RALGAPA2: variants seen among roughly 807,000 people sequenced by gnomAD.
The protein encoded by RALGAPA2 is Ral GTPase activating protein catalytic subunit alpha 2.
Under a neutral mutation model 230.4 loss-of-function variants are expected in RALGAPA2, and 139 were observed. The observed-to-expected ratio is 0.60, with a 90% CI of 0.53 to 0.69. RALGAPA2 has a LOEUF of 0.69. RALGAPA2 is among the 30% of genes least tolerant of loss of function. RALGAPA2 has a pLI of 0.00. For missense variants in RALGAPA2, 2,163 were observed against 2,276.0 expected (o/e 0.95, Z 1.01); for synonymous variants, 847 against 837.8 (o/e 1.01, Z -0.19).
chr20:20,418,265 T>C (rs1052330819), intron 37 of RALGAPA2, among the ~76,000 whole-genome samples: 1 of 152,230 alleles, frequency 6.6e-6, no homozygotes, highest in Non-Finnish European at 1.5e-5. Flanking sequence ...GTACCATTAA[T>C]GATCAGGGAT....
intron 23 of RALGAPA2, among the ~76,000 whole-genome samples, chr20:20,569,623 T>C (rs1173096966): frequency 6.6e-6 from 1 of 152,188 alleles, no homozygotes; most frequent in Non-Finnish European, 1.5e-5. Context: ...ACTATAAAAT[T>C]GTATTTCTTG....
At chr20:20,621,549 T>C (rs1320950598) in intron 10 of RALGAPA2, among the ~76,000 whole-genome samples, 1 of 152,030 alleles carries the variant, frequency 6.6e-6, no homozygotes, top group African/African-American at 2.4e-5. Context: ...TTTGATATCA[T>C]ATATATCAGG....
intron 37 of RALGAPA2, among the ~76,000 whole-genome samples, chr20:20,424,241 C>G (rs1168918169): frequency 6.6e-6 from 1 of 152,182 alleles, no homozygotes; most frequent in Non-Finnish European, 1.5e-5. Flanking sequence ...CCCAGTGCAC[C>G]TCACCTTCTG....
At chr20:20,455,369 A>G (rs2061089741) in intron 37 of RALGAPA2, among the ~76,000 whole-genome samples, 1 of 152,238 alleles carries the variant, frequency 6.6e-6, no homozygotes, top group African/African-American at 2.4e-5. Flanking sequence ...CACATCACCC[A>G]TGAGTTACTA....
chr20:20,612,424 G>A (rs548015320), intron 13 of RALGAPA2, among the ~76,000 whole-genome samples: 6 of 152,264 alleles, frequency 3.9e-5, no homozygotes, highest in African/African-American at 1.4e-4. Flanking sequence ...GTAATCAGAT[G>A]AGATCTCTAA....
chr20:20,595,225 T>G (rs2065416173), intron 16 of RALGAPA2, among the ~76,000 whole-genome samples: 1 of 152,174 alleles, frequency 6.6e-6, no homozygotes, highest in African/African-American at 2.4e-5. Context: ...AGTCTTACAT[T>G]TAGTAAGTGG....
intron 36 of RALGAPA2, among the ~76,000 whole-genome samples, 161 bp downstream of exon 36, chr20:20,494,956 A>G (rs1459326688): frequency 6.6e-6 from 1 of 152,212 alleles, no homozygotes; most frequent in Non-Finnish European, 1.5e-5. Flanking sequence ...ATCCCAATTC[A>G]TATTTAATTC....
At chr20:20,462,268 T>C (rs1236844611) in intron 37 of RALGAPA2, among the ~76,000 whole-genome samples, 1 of 152,186 alleles carries the variant, frequency 6.6e-6, no homozygotes, top group Non-Finnish European at 1.5e-5. Flanking sequence ...ATTTAAAATA[T>C]TGTGGCATTT....
At chr20:20,614,577 C>G in intron 13 of RALGAPA2, among the ~76,000 whole-genome samples, 1 of 152,088 alleles carries the variant, frequency 6.6e-6, no homozygotes, top group East Asian at 1.9e-4. Flanking sequence ...TTTAACTTGG[C>G]AAATAGTGCT....
intron 14 of RALGAPA2, among the ~76,000 whole-genome samples, 194 bp from the exon 15 acceptor site, chr20:20,605,606 T>C (rs1305349097): frequency 6.6e-6 from 1 of 152,206 alleles, no homozygotes; most frequent in Non-Finnish European, 1.5e-5. Context: ...GGGGAGTTAG[T>C]TATCATTATG....
chr20:20,439,757 T>C (rs1352730031), intron 37 of RALGAPA2, among the ~76,000 whole-genome samples: 1 of 152,136 alleles, frequency 6.6e-6, no homozygotes, highest in Non-Finnish European at 1.5e-5. Context: ...CTTTCTACAG[T>C]TCGTTTTTTC....
At chr20:20,485,707 C>A (rs2061893118) in intron 36 of RALGAPA2, among the ~76,000 whole-genome samples, 1 of 152,186 alleles carries the variant, frequency 6.6e-6, no homozygotes, top group Non-Finnish European at 1.5e-5. Flanking sequence ...GTGGAAGTTC[C>A]TTATAAGAGA....
At chr20:20,524,150 G>A (rs2063127591) in intron 30 of RALGAPA2, among the ~76,000 whole-genome samples, 1 of 152,096 alleles carries the variant, frequency 6.6e-6, no homozygotes, top group Non-Finnish European at 1.5e-5. Flanking sequence ...TAGAGATGGG[G>A]TTTCACCATG....
At chr20:20,674,834 C>T (rs1444178782) in intron 3 of RALGAPA2, among the ~76,000 whole-genome samples, 2 of 152,062 alleles carry the variant, frequency 1.3e-5, no homozygotes, top group Non-Finnish European at 2.9e-5. Flanking sequence ...GTGGCAAAGC[C>T]ATTTTTTAAA....
At chr20:20,651,525 C>A (rs975731718) in intron 4 of RALGAPA2, among the ~76,000 whole-genome samples, 1 of 152,076 alleles carries the variant, frequency 6.6e-6, no homozygotes, top group South Asian at 2.1e-4. Flanking sequence ...GAGTCTGAGG[C>A]CTCCAGTCAT....
chr20:20,611,502 C>A, intron 13 of RALGAPA2, 76 bp from the exon 14 acceptor site: 1 of 1,520,390 alleles, frequency 6.6e-7, no homozygotes, highest in Non-Finnish European at 8.8e-7. Flanking sequence ...ACCAGAAATT[C>A]TCTTAAGAAT....
chr20:20,510,934 G>A (rs1046840206), intron 33 of RALGAPA2, among the ~76,000 whole-genome samples: 2 of 152,078 alleles, frequency 1.3e-5, no homozygotes, highest in African/African-American at 4.8e-5. Flanking sequence ...GTTAAACCTA[G>A]GTAAACTTTT....
rs566154818 is a variant in RALGAPA2 at position 20,586,610 on chromosome 20, AC to A, written c.2440-1656del. Among the ~76,000 whole-genome samples, 1,262 of 152,362 alleles carry A rather than the reference AC, an allele frequency of 8.3e-3. 12 individuals carry two copies. The highest frequency in any genetic ancestry group is 0.029 in the African/African-American group (1,198 of 41,580). On this transcript the variant is annotated intron_variant, in intron 18 of 39. Transcript: ENST00000202677. ...TTTTAAAGGAATAAAAGTTGGAATC[AC>A]AAAAACAAGCAAGCAACAAAAGATT...
chr20:20,591,255 C>T lies in RALGAPA2; in HGVS notation c.2263G>A (p.Val755Met), dbSNP rs1175689056. 6.2e-7 allele frequency: 1 copy of T among 1,613,906 alleles called. No homozygotes were observed. The highest frequency in any genetic ancestry group is 1.3e-5 in the African/African-American group (1 of 75,026). ...CGAAGGACCTGCTGCTGCTGTCCCACTGTGAGATGGCCAGATCCGGCTGCA... is the reference window on the plus strand; with the variant it reads ...CGAAGGACCTGCTGCTGCTGTCCCATTGTGAGATGGCCAGATCCGGCTGCA... ...APAAGSGHLT[V>M]GQQQQVLRSS... The change falls in exon 17 of 40, where the codon GTG (valine) becomes ATG (methionine). Residue 755 changes from valine to methionine, a missense_variant. Val to Met is a conservative substitution (Grantham distance 21, BLOSUM62 1). Coordinates refer to ENST00000202677, the MANE Select transcript of RALGAPA2 (RefSeq NM_020343.4).
Sources: allele counts gnomAD v4.1 joint callset (sites outside exome capture counted in the v4.1 genomes callset), GRCh38; gene constraint gnomAD v4.1.1; transcripts MANE v1.5; gene names NCBI Gene and HGNC (gene_info 2026-07-23, HGNC 2026-07-21).